FANCM: variants seen among roughly 807,000 people sequenced by gnomAD.
The protein encoded by FANCM is FA complementation group M.
A neutral mutation model predicts 199.5 loss-of-function variants in FANCM; 140 were observed. That is an observed-to-expected ratio of 0.70 (90% CI 0.61 to 0.81). The LOEUF is 0.81. Ranked by LOEUF, FANCM falls within the 30% of genes least tolerant of loss-of-function variation. The pLI is 0.00. For synonymous variants in FANCM, 840 were observed against 836.8 expected (o/e 1.00, Z -0.07); for missense variants, 2,410 against 2,421.4 (o/e 1.00, Z 0.10).
rs1210888568 is a variant in FANCM, at chr14:45,151,487, G to T, written c.1009G>T (p.Ala337Ser). 1 of 1,612,512 alleles carries T rather than the reference G, an allele frequency of 6.2e-7. No individual in the cohort carries two copies. The highest frequency in any genetic ancestry group is 1.1e-5 in the South Asian group (1 of 91,058). ...PNLTKYQIIL[A>S]RDQFRKNPSP... ...TCTAACAAAATATCAGATAATTCTG[G>T]CAAGAGATCAGTTTAGGAAAAACCC... is the stretch of plus-strand genomic sequence containing the variant. The change falls in exon 5 of 23, where the codon GCA becomes TCA. Residue 337 changes from alanine to serine, a missense_variant. Transcript: ENST00000267430.
In FANCM at chr14:45,198,886, G is replaced by T. The variant is rs1484208943; in HGVS notation, c.5959G>T (p.Ala1987Ser). 6.2e-7 allele frequency: 1 copy of T among 1,610,760 alleles called. No homozygotes were observed. The highest frequency in any genetic ancestry group is 1.1e-5 in the South Asian group (1 of 90,936). Residue 1987 changes from alanine to serine, a missense_variant, in exon 22 of 23, where the codon GCA becomes TCA. By Grantham distance (99) the Ala-to-Ser change is moderately conservative (BLOSUM62 1). Coordinates refer to ENST00000267430, the MANE Select transcript of FANCM (RefSeq NM_020937.4). ...TATTCCCAATATAAGTTATATAACT[G>T]CATTAAATATGTGTCACCAGTTTTC... Reference protein sequence around the residue: ...LSIPNISYITALNMCHQFSSV... With the variant: ...LSIPNISYITSLNMCHQFSSV...
At chr14:45,146,282 G>C (rs1458347737) in intron 3 of FANCM, among the ~76,000 whole-genome samples, 1 of 145,330 alleles carries the variant, frequency 6.9e-6, no homozygotes, top group African/African-American at 2.5e-5. Flanking sequence ...CTACCTCAAA[G>C]TGCCTCTTTT....
At chr14:45,171,773 G>T (rs1188417633) in intron 12 of FANCM, among the ~76,000 whole-genome samples, 1 of 151,366 alleles carries the variant, frequency 6.6e-6, no homozygotes, top group Admixed American at 6.6e-5. Context: ...GGGCATATAG[G>T]CTGGCTTCAT....
intron 9 of FANCM, among the ~76,000 whole-genome samples, chr14:45,163,015 T>A (rs1203305716): frequency 6.6e-6 from 1 of 152,190 alleles, no homozygotes; most frequent in African/African-American, 2.4e-5. Context: ...AGGATTTCCA[T>A]ATTGAAAGAA....
chr14:45,169,104 TA>T (rs1272405183), intron 11 of FANCM, among the ~76,000 whole-genome samples: 1 of 151,788 alleles, frequency 6.6e-6, no homozygotes, highest in East Asian at 1.9e-4. Flanking sequence ...ACGTTTTTAG[TA>T]GAGACGGGGT....
At chr14:45,139,667 T>A (rs1285082770) in intron 2 of FANCM, among the ~76,000 whole-genome samples, 1 of 152,228 alleles carries the variant, frequency 6.6e-6, no homozygotes, top group Non-Finnish European at 1.5e-5. Context: ...CTATATTTTT[T>A]AATGAATACA....
chr14:45,136,189 A>T lies in FANCM; in HGVS notation c.158A>T (p.Asp53Val), dbSNP rs2139100689. The change falls in exon 1 of 23, where the codon GAC becomes GTC. Residue 53 changes from aspartate to valine, a missense_variant. Coordinates refer to ENST00000267430, the MANE Select transcript of FANCM (RefSeq NM_020937.4). Reference protein sequence around the residue: ...PAAAEAQLESDDDVLLVAAYE... With the variant: ...PAAAEAQLESVDDVLLVAAYE... Reference sequence around the variant, plus strand: ...GCAGCGGAGGCTCAGCTGGAGTCGGACGATGATGTGTTGCTTGTCGCGGCG... The same window carrying T: ...GCAGCGGAGGCTCAGCTGGAGTCGGTCGATGATGTGTTGCTTGTCGCGGCG... The T allele has an allele frequency of 6.2e-7, 1 of 1,614,136 alleles. No homozygotes were observed. The highest frequency in any genetic ancestry group is 8.5e-7 in the Non-Finnish European group (1 of 1,180,012).
At chr14:45,162,984 A>G (rs1374408024) in intron 9 of FANCM, among the ~76,000 whole-genome samples, 2 of 150,964 alleles carry the variant, frequency 1.3e-5, no homozygotes, top group Admixed American at 6.6e-5. Flanking sequence ...AATCATGATC[A>G]TTGTTTCTCC....
intron 3 of FANCM, among the ~76,000 whole-genome samples, chr14:45,146,722 A>G (rs1171786121): frequency 4.6e-5 from 7 of 150,634 alleles, no homozygotes; most frequent in Non-Finnish European, 1.0e-4. Context: ...AGTCCCAGCT[A>G]CTCGGGAGGC....
At chr14:45,140,243 T>C (rs1185251183) in intron 2 of FANCM, among the ~76,000 whole-genome samples, 1 of 152,130 alleles carries the variant, frequency 6.6e-6, no homozygotes, top group Admixed American at 6.5e-5. Context: ...TTTTTTCTTT[T>C]GTAGAGACCA....
chr14:45,182,265 TAAAGGAAGACCCA>T (rs951467003), intron 16 of FANCM, among the ~76,000 whole-genome samples: 2 of 152,176 alleles, frequency 1.3e-5, no homozygotes, highest in Non-Finnish European at 2.9e-5. Flanking sequence ...AATAACAGCC[TAAAGGAAGACCCA>T]AAAGTGAGAA....
intron 20 of FANCM, among the ~76,000 whole-genome samples, chr14:45,194,438 A>G (rs184899782): frequency 2.2e-4 from 34 of 152,302 alleles, no homozygotes; most frequent in Middle Eastern, 3.4e-3. Flanking sequence ...CTTGAAATAT[A>G]TAATTAGATA....
chr14:45,183,517 A>G (rs1889193718), intron 16 of FANCM, among the ~76,000 whole-genome samples: 1 of 152,200 alleles, frequency 6.6e-6, no homozygotes, highest in African/African-American at 2.4e-5. Flanking sequence ...AAATAAAAAT[A>G]AAAACTAAAA....
At chr14:45,165,823 G>A (rs893326567) in intron 10 of FANCM, among the ~76,000 whole-genome samples, 3 of 152,130 alleles carry the variant, frequency 2.0e-5, no homozygotes, top group Admixed American at 1.3e-4. Context: ...CAGTGGCCCC[G>A]TTTACTCAGT....
At chr14:45,183,011 A>G (rs1314745099) in intron 16 of FANCM, among the ~76,000 whole-genome samples, 1 of 152,198 alleles carries the variant, frequency 6.6e-6, no homozygotes, top group South Asian at 2.1e-4. Flanking sequence ...TACTGCATGC[A>G]TATCACTTTT....
Position 45,195,341 on chromosome 14 carries a change from C to CAGTATG in FANCM, c.5341-830_5341-825dup, listed in dbSNP as rs1889996102. On this transcript the variant is annotated intron_variant, in intron 20 of 22. Coordinates refer to ENST00000267430, the MANE Select transcript of FANCM (RefSeq NM_020937.4). Reference sequence around the variant, plus strand: ...CAAGCCTACATGAGGGCTGGAGGGCCAGTATGTAGATACCAATTCGAGATC... The same window carrying CAGTATG: ...CAAGCCTACATGAGGGCTGGAGGGCCAGTATGAGTATGTAGATACCAATTCGAGATC... 3 of 315,076 alleles carry CAGTATG rather than the reference C, an allele frequency of 9.5e-6. No homozygotes were observed. The East Asian group carries it at 2.3e-4, about 24-fold the overall frequency. The allele number at this position is 315,076 out of a possible 1,614,324, so 19.5% of individuals were successfully genotyped here. A position where few individuals can be genotyped will look rare whatever the true frequency, so the allele number is the denominator to read the frequency against.
intron 14 of FANCM, among the ~76,000 whole-genome samples, chr14:45,179,787 C>T (rs1465875562): frequency 1.3e-5 from 2 of 151,990 alleles, no homozygotes; most frequent in Non-Finnish European, 2.9e-5. Context: ...GTCTCGGACT[C>T]CTGACCATGT....
chr14:45,175,763 A>G lies in FANCM; in HGVS notation c.3009A>G (p.Gly1003=). 6.2e-7 allele frequency: 1 copy of G among 1,613,530 alleles called. No homozygotes were observed. The highest frequency in any genetic ancestry group is 8.5e-7 in the Non-Finnish European group (1 of 1,179,786). The change falls in exon 14 of 23, where the codon GGA becomes GGG. Residue 1003 remains glycine, a synonymous_variant. Coordinates refer to ENST00000267430, the MANE Select transcript of FANCM (RefSeq NM_020937.4). Reference sequence around the variant, plus strand: ...CTTATTCTCCTCCGCCTCTCAGTGGACTCTCAGACTTGGAATATGAAATTG... The same window carrying G: ...CTTATTCTCCTCCGCCTCTCAGTGGGCTCTCAGACTTGGAATATGAAATTG... The part of the protein sequence containing the change: ...FLSYSPPPLS[G]LSDLEYEIAK...
In FANCM at chr14:45,148,771, G is replaced by C. The variant is rs1886609774; in HGVS notation, c.760-66G>C. On this transcript the variant is annotated intron_variant, in intron 3 of 22. Coordinates refer to ENST00000267430, the MANE Select transcript of FANCM (RefSeq NM_020937.4). ...AAAATTTTACTGCTATTTTATTTCT[G>C]TTAGTGACTTAAACTAAAAAATTTT... The C allele has an allele frequency of 1.9e-6, 2 of 1,050,146 alleles. No individual in the cohort carries two copies. The highest frequency in any genetic ancestry group is 4.9e-5 in the East Asian group (2 of 41,038). 65.1% of individuals were successfully genotyped at this position (1,050,146 alleles called of 1,614,324 possible).
Sources: allele counts gnomAD v4.1 joint callset (sites outside exome capture counted in the v4.1 genomes callset), GRCh38; gene constraint gnomAD v4.1.1; transcripts MANE v1.5; gene names NCBI Gene and HGNC (gene_info 2026-07-23, HGNC 2026-07-21).